Variants in WWOX observed in about 807,000 individuals in gnomAD.
The protein encoded by WWOX is WW domain-containing oxidoreductase.
Under a neutral mutation model 46.2 loss-of-function variants are expected in WWOX, and 69 were observed. That is an observed-to-expected ratio of 1.49 (90% CI 1.23 to 1.82). WWOX has a LOEUF of 1.82. Among genes scored for constraint, WWOX ranks in the 40% most tolerant of loss-of-function variants. The pLI is 0.00. For missense variants in WWOX, 919 were observed against 542.6 expected, an observed-to-expected ratio of 1.69 and a Z score of -6.89; for synonymous variants, 359 against 202.6, an observed-to-expected ratio of 1.77 and a Z score of -6.56.
intron 5 of WWOX, among the ~76,000 whole-genome samples, chr16:78,333,028 T>A (rs2080796634): frequency 6.8e-6 from 1 of 147,072 alleles, no homozygotes; most frequent in Non-Finnish European, 1.5e-5. Flanking sequence ...CTGAGTAGCA[T>A]GGAAGAGCAT....
At chr16:78,596,414 G>A (rs1209257751) in intron 8 of WWOX, among the ~76,000 whole-genome samples, 7 of 150,982 alleles carry the variant, frequency 4.6e-5, no homozygotes, top group African/African-American at 1.5e-4. Context: ...CCAGGTCACG[G>A]TGGGATGACA....
At chr16:79,172,583 C>T (rs753529904) in intron 8 of WWOX, among the ~76,000 whole-genome samples, 2 of 152,114 alleles carry the variant, frequency 1.3e-5, no homozygotes, top group Non-Finnish European at 2.9e-5. Context: ...ACCTGTGGAG[C>T]CTCTTTAGGA....
chr16:78,717,616 G>C (rs1413269125), intron 8 of WWOX, among the ~76,000 whole-genome samples: 1 of 152,166 alleles, frequency 6.6e-6, no homozygotes, highest in Non-Finnish European at 1.5e-5. Context: ...TGAATGAATA[G>C]GAGTTTCCCC....
intron 6 of WWOX, among the ~76,000 whole-genome samples, chr16:78,410,448 A>C (rs1246819211): frequency 6.6e-6 from 1 of 151,694 alleles, no homozygotes; most frequent in African/African-American, 2.4e-5. Flanking sequence ...TATTTTTGTG[A>C]CTCAGGAATT....
intron 5 of WWOX, among the ~76,000 whole-genome samples, chr16:78,169,751 G>A (rs962824592): frequency 7.9e-5 from 12 of 152,070 alleles, no homozygotes; most frequent in Non-Finnish European, 1.6e-4. Flanking sequence ...ATCTCCCTAC[G>A]TTGTTTGCAG....
intron 8 of WWOX, among the ~76,000 whole-genome samples, chr16:79,036,151 G>T (rs2047861678): frequency 6.6e-6 from 1 of 152,122 alleles, no homozygotes; most frequent in Non-Finnish European, 1.5e-5. Context: ...TTGGATTTAG[G>T]AATTGGAGAT....
At chr16:79,081,550 C>G (rs1230227290) in intron 8 of WWOX, among the ~76,000 whole-genome samples, 2 of 152,232 alleles carry the variant, frequency 1.3e-5, no homozygotes, top group Non-Finnish European at 2.9e-5. Flanking sequence ...ATTCTCAACT[C>G]TGCTATCTGC....
At chr16:78,301,989 C>G (rs917569481) in intron 5 of WWOX, among the ~76,000 whole-genome samples, 19 of 149,806 alleles carry the variant, frequency 1.3e-4, no homozygotes, top group African/African-American at 4.2e-4. Flanking sequence ...GAGACAGGGT[C>G]TCACTCTGTT....
At chr16:78,130,895 G>A (rs2033564686) in intron 4 of WWOX, among the ~76,000 whole-genome samples, 1 of 152,218 alleles carries the variant, frequency 6.6e-6, no homozygotes, top group Non-Finnish European at 1.5e-5. Flanking sequence ...GTCAGGCAGT[G>A]TCATCGTTGT....
chr16:78,921,377 C>G (rs142534819), intron 8 of WWOX, among the ~76,000 whole-genome samples: 8 of 152,158 alleles, frequency 5.3e-5, no homozygotes, highest in African/African-American at 1.4e-4. Flanking sequence ...GAAAGGTGGA[C>G]TCACTGGTCA....
At chr16:78,782,322 C>A (rs943672650) in intron 8 of WWOX, among the ~76,000 whole-genome samples, 1 of 152,176 alleles carries the variant, frequency 6.6e-6, no homozygotes, top group African/African-American at 2.4e-5. Flanking sequence ...GCTCCCTCTC[C>A]ATCCTCTCTG....
chr16:78,627,563 T>C (rs1231234857), intron 8 of WWOX, among the ~76,000 whole-genome samples: 1 of 152,052 alleles, frequency 6.6e-6, no homozygotes, highest in Non-Finnish European at 1.5e-5. Flanking sequence ...GAAATCTTTG[T>C]AAAATCACAG....
intron 8 of WWOX, among the ~76,000 whole-genome samples, chr16:79,076,796 C>T (rs77984737): frequency 1.3e-5 from 2 of 152,208 alleles, no homozygotes; most frequent in South Asian, 2.1e-4. Context: ...ATACCTAGCA[C>T]ATAGGGTTAT....
At chr16:78,482,375 C>G (rs1597146892) in intron 8 of WWOX, among the ~76,000 whole-genome samples, 3 of 152,152 alleles carry the variant, frequency 2.0e-5, no homozygotes, top group African/African-American at 7.2e-5. Flanking sequence ...GCATGCACCA[C>G]CATAGCTGGC....
chr16:78,730,624 T>A (rs1010900788), intron 8 of WWOX, among the ~76,000 whole-genome samples: 7 of 149,286 alleles, frequency 4.7e-5, no homozygotes, highest in African/African-American at 1.7e-4. Context: ...GCAATTTTTT[T>A]TTTTTTTTTT....
At chr16:78,976,864 A>T (rs1159764464) in intron 8 of WWOX, among the ~76,000 whole-genome samples, 2 of 152,206 alleles carry the variant, frequency 1.3e-5, no homozygotes, top group African/African-American at 4.8e-5. Context: ...GAGGTTTGAT[A>T]GCATCCAAAG....
intron 4 of WWOX, among the ~76,000 whole-genome samples, chr16:78,135,674 C>T (rs892198001): frequency 6.6e-6 from 1 of 150,994 alleles, no homozygotes. Context: ...ATTAGACTGA[C>T]AGTATTACTG....
intron 8 of WWOX, among the ~76,000 whole-genome samples, chr16:78,874,298 A>G (rs1052590341): frequency 1.7e-4 from 26 of 150,488 alleles, no homozygotes; most frequent in African/African-American, 6.3e-4. Context: ...CCAGGAAAGG[A>G]GGCCCTGAGT....
intron 8 of WWOX, among the ~76,000 whole-genome samples, chr16:78,720,511 C>T (rs534968900): frequency 6.7e-5 from 10 of 149,778 alleles, no homozygotes; most frequent in Non-Finnish European, 1.0e-4. Flanking sequence ...GGAAAAAATC[C>T]TTAGGACCCA....
Sources: allele counts gnomAD v4.1 joint callset (sites outside exome capture counted in the v4.1 genomes callset), GRCh38; gene constraint gnomAD v4.1.1; transcripts MANE v1.5; gene names NCBI Gene and HGNC (gene_info 2026-07-23, HGNC 2026-07-21).